PTGER4: variants seen among roughly 807,000 people sequenced by gnomAD.
PTGER4 encodes prostaglandin E2 receptor EP4 subtype.
In PTGER4, 11 loss-of-function variants were observed where a neutral mutation model predicts 33.2. The observed-to-expected ratio is 0.33, with a 90% CI of 0.21 to 0.55. The LOEUF is 0.55. PTGER4 is among the 20% of genes least tolerant of loss of function. The probability of loss-of-function intolerance (pLI) is 0.92; values close to 1 mark genes in which losing one functional copy is unlikely to be tolerated. For missense variants in PTGER4, 481 were observed against 650.2 expected (o/e 0.74, Z 2.83); for synonymous variants, 275 against 281.5 (o/e 0.98, Z 0.23).
At chr5:40,704,225 A>C in the PTGER4 span, among the ~76,000 whole-genome samples, 1 of 152,192 alleles carries the variant, frequency 6.6e-6, no homozygotes, top group Non-Finnish European at 1.5e-5. Flanking sequence ...ACAGAACTAA[A>C]GACAAAAACC....
chr5:40,693,497 G>A lies in PTGER4; in HGVS notation c.*1119G>A, dbSNP rs970577880. 6.1e-6 allele frequency: 6 copies of A among 985,856 alleles called. No individual in the cohort carries two copies. The African/African-American group carries it at 1.0e-4, about 17-fold the overall frequency. 61.1% of individuals were successfully genotyped at this position (985,856 alleles called of 1,614,324 possible). A position where few individuals can be genotyped will look rare whatever the true frequency, so the allele number is the denominator to read the frequency against. On this transcript the variant is annotated 3_prime_UTR_variant, in exon 3 of 3. Coordinates refer to ENST00000302472, the MANE Select transcript of PTGER4 (RefSeq NM_000958.3). Reference sequence around the variant, plus strand: ...TTACATTAGCCATTCATGTATGTCAGAAGTGCAGAATTGGGGCACTTAATG... The same window carrying A: ...TTACATTAGCCATTCATGTATGTCAAAAGTGCAGAATTGGGGCACTTAATG...
chr5:40,738,455 AATAC>A, the PTGER4 span, among the ~76,000 whole-genome samples: 1 of 74,410 alleles, frequency 1.3e-5, no homozygotes, highest in Non-Finnish European at 3.0e-5. Flanking sequence ...AATACAATAC[AATAC>A]AATACAATAC....
Position 40,693,684 on chromosome 5 carries a change from A to C in PTGER4, c.*1306A>C. The C allele has an allele frequency of 1.0e-6, 1 of 979,042 alleles. No homozygotes were observed. The highest frequency in any genetic ancestry group is 4.7e-5 in the South Asian group (1 of 21,160). 60.6% of individuals were successfully genotyped at this position (979,042 alleles called of 1,614,324 possible). On this transcript the variant is annotated 3_prime_UTR_variant, in exon 3 of 3. Transcript: ENST00000302472. ...TGATATTGATATGGTTTTAAGAAGC[A>C]GTTGTACCAAGTGAAATTATTTTGG...
the PTGER4 span, among the ~76,000 whole-genome samples, chr5:40,738,643 AAGCTATTT>A: frequency 6.6e-6 from 1 of 151,798 alleles, no homozygotes; most frequent in African/African-American, 2.4e-5. Context: ...CAAAGAGGTA[AAGCTATTT>A]TACATTTTCA....
At chr5:40,715,511 A>G in the PTGER4 span, 1 of 152,364 alleles carries the variant, frequency 6.6e-6, no homozygotes, top group South Asian at 2.1e-4. Context: ...TGAAGGAGAC[A>G]ACTATCATTG....
the PTGER4 span, chr5:40,728,284 A>AAAAAAAAAAAG: frequency 9.7e-7 from 1 of 1,030,430 alleles, no homozygotes; most frequent in African/African-American, 1.6e-5. Context: ...TCCATCTCAA[A>AAAAAAAAAAAG]AAAAAAAAAA....
the PTGER4 span, among the ~76,000 whole-genome samples, chr5:40,710,696 G>T: frequency 6.6e-6 from 1 of 152,148 alleles, no homozygotes; most frequent in Non-Finnish European, 1.5e-5. Flanking sequence ...AACAATGATA[G>T]ACTGGATTAA....
the PTGER4 span, among the ~76,000 whole-genome samples, chr5:40,723,203 G>A: frequency 1.4e-4 from 21 of 152,100 alleles, no homozygotes; most frequent in Non-Finnish European, 1.8e-4. Context: ...GGCGGTGCAA[G>A]ATGTGCTTTG....
At chr5:40,721,929 T>C in the PTGER4 span, among the ~76,000 whole-genome samples, 1 of 152,192 alleles carries the variant, frequency 6.6e-6, no homozygotes, top group South Asian at 2.1e-4. Flanking sequence ...ATATAAGAAA[T>C]AACTCAATAG....
At chr5:40,682,064 C>T (rs1425296097) in intron 2 of PTGER4, among the ~76,000 whole-genome samples, 1 of 152,058 alleles carries the variant, frequency 6.6e-6, no homozygotes, top group Non-Finnish European at 1.5e-5. Flanking sequence ...AGGTGCTTTG[C>T]CCCTACATCC....
chr5:40,711,918 GAGGGGAACCAACTGCAAA>G, the PTGER4 span, among the ~76,000 whole-genome samples: 1 of 152,132 alleles, frequency 6.6e-6, no homozygotes, highest in Non-Finnish European at 1.5e-5. Context: ...TGTTCAGGTG[GAGGGGAACCAACTGCAAA>G]AGGGCTTTAG....
At chr5:40,716,001 C>T in the PTGER4 span, 2 of 614,926 alleles carry the variant, frequency 3.3e-6, no homozygotes, top group Non-Finnish European at 5.5e-6. Flanking sequence ...AATAATCCTG[C>T]CATTTTAGTT....
chr5:40,698,737 CA>C, the PTGER4 span, among the ~76,000 whole-genome samples: 1 of 152,132 alleles, frequency 6.6e-6, no homozygotes, highest in Non-Finnish European at 1.5e-5. Context: ...TCTAGGGAGA[CA>C]ACTAATTATT....
At chr5:40,730,957 T>C in the PTGER4 span, among the ~76,000 whole-genome samples, 2 of 152,292 alleles carry the variant, frequency 1.3e-5, no homozygotes, top group African/African-American at 2.4e-5. Flanking sequence ...TGTGGTGCCA[T>C]CATCTACTAA....
chr5:40,725,267 G>A, the PTGER4 span, among the ~76,000 whole-genome samples: 1 of 151,030 alleles, frequency 6.6e-6, no homozygotes, highest in Admixed American at 6.6e-5. Flanking sequence ...GATTATACGC[G>A]TGAGCCAGGA....
chr5:40,745,400 C>T, the PTGER4 span, among the ~76,000 whole-genome samples: 1 of 152,070 alleles, frequency 6.6e-6, no homozygotes, highest in Admixed American at 6.6e-5. Context: ...TCAGCAAAAA[C>T]ACCCTGTAAA....
At chr5:40,737,871 T>A in the PTGER4 span, among the ~76,000 whole-genome samples, 2 of 152,238 alleles carry the variant, frequency 1.3e-5, no homozygotes, top group East Asian at 3.8e-4. Context: ...TCCCTTAGCA[T>A]GTTTCTGAGA....
chr5:40,744,960 T>C, the PTGER4 span, among the ~76,000 whole-genome samples: 1 of 152,280 alleles, frequency 6.6e-6, no homozygotes, highest in East Asian at 1.9e-4. Flanking sequence ...GACATATACT[T>C]GCCAAAAATA....
the PTGER4 span, among the ~76,000 whole-genome samples, chr5:40,704,027 C>T: frequency 3.6e-4 from 50 of 137,246 alleles, no homozygotes; most frequent in Admixed American, 3.0e-3. Flanking sequence ...AGAGACACAA[C>T]AAAAAAAGAA....
Sources: allele counts gnomAD v4.1 joint callset (sites outside exome capture counted in the v4.1 genomes callset), GRCh38; gene constraint gnomAD v4.1.1; transcripts MANE v1.5; gene names NCBI Gene and HGNC (gene_info 2026-07-23, HGNC 2026-07-21).